Variants in GULP1 observed in about 807,000 individuals in gnomAD.
The protein encoded by GULP1 is GULP PTB domain containing engulfment adaptor 1.
GULP1 carries 19 observed loss-of-function variants against 40.9 expected under a neutral mutation model. That is an observed-to-expected ratio of 0.46 (90% CI 0.32 to 0.68). GULP1 has a LOEUF of 0.68. Ranked by LOEUF, GULP1 falls within the 30% of genes least tolerant of loss-of-function variation. GULP1 has a pLI of 0.03. For synonymous variants in GULP1, 119 were observed against 117.6 expected, an observed-to-expected ratio of 1.01 and a Z score of -0.08; for missense variants, 312 against 362.2, an observed-to-expected ratio of 0.86 and a Z score of 1.12.
At chr2:188,297,587 A>G (rs1222640101) in intron 1 of GULP1, 1 of 428,582 alleles carries the variant, frequency 2.3e-6, no homozygotes, top group Non-Finnish European at 4.7e-6. Flanking sequence ...TGGGGGAACC[A>G]TGGATGGCTA....
chr2:188,394,888 A>G (rs1553539393), intron 2 of GULP1, among the ~76,000 whole-genome samples: 1 of 150,396 alleles, frequency 6.6e-6, no homozygotes, highest in Non-Finnish European at 1.5e-5. Context: ...GAAGAAGTTC[A>G]CTCTCTCCTC....
At position 188,309,617 on chromosome 2, in the gene GULP1, C is replaced by T. The variant is rs529550325; in HGVS notation, c.-172+17451C>T. Among the ~76,000 whole-genome samples the T allele has an allele frequency of 1.8e-4, 27 of 152,136 alleles. 1 individual carries two copies. In the South Asian group the frequency reaches 3.1e-3, roughly 18 times the overall value. ...TTTTTGGAGAAAGGCTGAGTAACTA[C>T]GGATCAGGGCTATTGTTGAAGAGTA... On this transcript the variant is annotated intron_variant, in intron 1 of 11. Transcript: ENST00000409830.
At chr2:188,305,318 A>G (rs2036865205) in intron 1 of GULP1, among the ~76,000 whole-genome samples, 1 of 152,008 alleles carries the variant, frequency 6.6e-6, no homozygotes, top group Admixed American at 6.6e-5. Context: ...TGCTCTCTGA[A>G]CCCTTTTTGG....
At chr2:188,545,010 A>G (rs1691527193) in intron 7 of GULP1, among the ~76,000 whole-genome samples, 1 of 152,098 alleles carries the variant, frequency 6.6e-6, no homozygotes, top group African/African-American at 2.4e-5. Context: ...GTACTTACCT[A>G]TAGCAGAGAA....
At chr2:188,506,923 A>G (rs1457353790) in intron 4 of GULP1, among the ~76,000 whole-genome samples, 8 of 151,974 alleles carry the variant, frequency 5.3e-5, no homozygotes, top group Admixed American at 5.3e-4. Flanking sequence ...CACAACCTGA[A>G]CTTCTCCCAG....
intron 2 of GULP1, among the ~76,000 whole-genome samples, chr2:188,401,178 A>G (rs1203856422): frequency 6.6e-6 from 1 of 152,144 alleles, no homozygotes; most frequent in Non-Finnish European, 1.5e-5. Flanking sequence ...TATGATTACT[A>G]TAGCCAATAA....
intron 6 of GULP1, among the ~76,000 whole-genome samples, chr2:188,538,537 T>G (rs1250326437): frequency 3.3e-5 from 5 of 152,126 alleles, no homozygotes. Flanking sequence ...ATATAGAGTA[T>G]ATGACTATTT....
chr2:188,548,756 A>G (rs2153365445), intron 7 of GULP1, among the ~76,000 whole-genome samples: 1 of 152,018 alleles, frequency 6.6e-6, no homozygotes, highest in African/African-American at 2.4e-5. Context: ...GTGAACATAT[A>G]AATTAACACA....
chr2:188,459,650 T>C (rs1272378583), intron 2 of GULP1, among the ~76,000 whole-genome samples: 1 of 152,214 alleles, frequency 6.6e-6, no homozygotes, highest in African/African-American at 2.4e-5. Context: ...TTCAACTTAA[T>C]GAGATACCAT....
chr2:188,563,668 G>C (rs549953598), intron 7 of GULP1, among the ~76,000 whole-genome samples: 2 of 151,150 alleles, frequency 1.3e-5, no homozygotes, highest in East Asian at 1.9e-4. Flanking sequence ...GAAATACCAA[G>C]CTCAGATAGT....
At chr2:188,425,866 T>C (rs1044373145) in intron 2 of GULP1, among the ~76,000 whole-genome samples, 4 of 152,232 alleles carry the variant, frequency 2.6e-5, no homozygotes, top group Non-Finnish European at 4.4e-5. Flanking sequence ...ATACTACCAA[T>C]TGGATATGTA....
chr2:188,294,688 T>C (rs945040206), intron 1 of GULP1, among the ~76,000 whole-genome samples: 8 of 152,254 alleles, frequency 5.3e-5, no homozygotes, highest in Non-Finnish European at 8.8e-5. Flanking sequence ...AGACTCACTT[T>C]GTGAATCACC....
chr2:188,399,714 A>AAAAAAAAAC (rs1553540229), intron 2 of GULP1, among the ~76,000 whole-genome samples: 14 of 131,122 alleles, frequency 1.1e-4, no homozygotes, highest in East Asian at 2.4e-4. Context: ...AAAAAAAAAA[A>AAAAAAAAAC]CATCAAACTG....
intron 2 of GULP1, among the ~76,000 whole-genome samples, chr2:188,430,131 G>A (rs769183797): frequency 6.6e-6 from 1 of 152,138 alleles, no homozygotes; most frequent in African/African-American, 2.4e-5. Flanking sequence ...TGTCAAAGAT[G>A]TTAAAAGCCT....
At chr2:188,474,162 A>G (rs2060817858) in intron 2 of GULP1, among the ~76,000 whole-genome samples, 1 of 152,162 alleles carries the variant, frequency 6.6e-6, no homozygotes, top group African/African-American at 2.4e-5. Flanking sequence ...AAGATGCAAG[A>G]CAGAGTCCTT....
At position 188,539,559 on chromosome 2, in the gene GULP1, T is replaced by G. The variant is rs201628405; in HGVS notation, c.262-1622T>G. ...TCAAGCACCTCTTCTTAGACTTGGT[T>G]CCCCCTGCTTTTAAACAGATGAATT... On this transcript the variant is annotated intron_variant, in intron 6 of 11. Coordinates refer to ENST00000409830, the MANE Select transcript of GULP1 (RefSeq NM_016315.4). Among the ~76,000 whole-genome samples, 11 of 152,180 alleles carry G rather than the reference T, an allele frequency of 7.2e-5. No homozygotes were observed. In the East Asian group the frequency reaches 2.1e-3, roughly 29 times the overall value.
chr2:188,327,116 A>C (rs1024959113), intron 1 of GULP1, among the ~76,000 whole-genome samples: 1 of 152,160 alleles, frequency 6.6e-6, no homozygotes, highest in Non-Finnish European at 1.5e-5. Flanking sequence ...ATTCTAGATA[A>C]AGCACAAGTT....
At chr2:188,528,091 T>C (rs929763290) in intron 5 of GULP1, among the ~76,000 whole-genome samples, 4 of 152,050 alleles carry the variant, frequency 2.6e-5, no homozygotes, top group African/African-American at 9.7e-5. Flanking sequence ...AAAGAAAAAG[T>C]TGGATGCTGG....
chr2:188,297,373 T>C (rs1229686794), intron 1 of GULP1: 2 of 416,346 alleles, frequency 4.8e-6, no homozygotes, highest in Non-Finnish European at 9.6e-6. Flanking sequence ...AGAAGTTAGA[T>C]ACTACTGATA....
Sources: allele counts gnomAD v4.1 joint callset (sites outside exome capture counted in the v4.1 genomes callset), GRCh38; gene constraint gnomAD v4.1.1; transcripts MANE v1.5; gene names NCBI Gene and HGNC (gene_info 2026-07-23, HGNC 2026-07-21).